ASTN1: variants seen among roughly 807,000 people sequenced by gnomAD.
The protein encoded by ASTN1 is astrotactin 1, also known as astrotactin-1.
In ASTN1, 41 loss-of-function variants were observed where a neutral mutation model predicts 140.7. The ratio of observed to expected loss-of-function variants is 0.29; its 90% CI spans 0.23 to 0.38. The LOEUF is 0.38. Ranked by LOEUF, ASTN1 falls within the 10% of genes least tolerant of loss-of-function variation. The pLI is 1.00. For synonymous variants in ASTN1, 640 were observed against 652.2 expected (o/e 0.98, Z 0.29); for missense variants, 1,479 against 1,678.8 (o/e 0.88, Z 2.08).
intron 13 of ASTN1, among the ~76,000 whole-genome samples, chr1:176,945,449 A>T (rs1290372970): frequency 6.6e-6 from 1 of 152,252 alleles, no homozygotes; most frequent in Non-Finnish European, 1.5e-5. Context: ...CTGGATTCTC[A>T]TATCTGAATT....
intron 14 of ASTN1, among the ~76,000 whole-genome samples, chr1:176,937,879 T>C (rs1377668565): frequency 6.6e-6 from 1 of 152,196 alleles, no homozygotes; most frequent in East Asian, 1.9e-4. Flanking sequence ...ACTAATTTAA[T>C]GCTTAAACTG....
At chr1:177,078,788 T>A (rs1178403669) in intron 1 of ASTN1, among the ~76,000 whole-genome samples, 1 of 152,188 alleles carries the variant, frequency 6.6e-6, no homozygotes, top group Non-Finnish European at 1.5e-5. Context: ...CATTCTTTTT[T>A]ATTATCAAAG....
intron 16 of ASTN1, among the ~76,000 whole-genome samples, chr1:176,915,256 G>GTGTTCTA (rs1354819270): frequency 1.3e-5 from 2 of 152,144 alleles, no homozygotes; most frequent in Non-Finnish European, 2.9e-5. Context: ...CATGGGCCAG[G>GTGTTCTA]TGTTCTACCC....
intron 8 of ASTN1, among the ~76,000 whole-genome samples, chr1:176,971,662 A>C (rs890835584): frequency 3.3e-5 from 5 of 152,180 alleles, no homozygotes; most frequent in Middle Eastern, 3.2e-3. Context: ...GGCACCCTGC[A>C]CTTTCCTTTA....
chr1:177,141,826 A>C (rs965665709), intron 1 of ASTN1, among the ~76,000 whole-genome samples: 1 of 152,218 alleles, frequency 6.6e-6, no homozygotes, highest in Non-Finnish European at 1.5e-5. Flanking sequence ...AACAATAAGT[A>C]TTTTGGAAAC....
At chr1:177,137,735 C>T (rs1015886019) in intron 1 of ASTN1, among the ~76,000 whole-genome samples, 3 of 152,196 alleles carry the variant, frequency 2.0e-5, no homozygotes, top group African/African-American at 7.2e-5. Context: ...GATAGCTGTC[C>T]AGCCAAACTG....
chr1:176,959,380 G>C (rs1672556425), intron 9 of ASTN1, among the ~76,000 whole-genome samples: 1 of 152,080 alleles, frequency 6.6e-6, no homozygotes, highest in Non-Finnish European at 1.5e-5. Context: ...ACAGAACCAA[G>C]CGCTGGCTCC....
intron 16 of ASTN1, among the ~76,000 whole-genome samples, chr1:176,919,829 G>A (rs1670654885): frequency 6.6e-6 from 1 of 152,184 alleles, no homozygotes; most frequent in Admixed American, 6.5e-5. Context: ...CCGCCTCTGC[G>A]GAATAAACCT....
chr1:176,921,104 T>C (rs1361225533), intron 16 of ASTN1, among the ~76,000 whole-genome samples: 1 of 152,232 alleles, frequency 6.6e-6, no homozygotes, highest in Non-Finnish European at 1.5e-5. Flanking sequence ...GTAGAGTAGA[T>C]GGCCATTAGG....
chr1:177,131,146 C>T (rs1681920229), intron 1 of ASTN1, among the ~76,000 whole-genome samples: 2 of 152,198 alleles, frequency 1.3e-5, no homozygotes, highest in South Asian at 2.1e-4. Context: ...ATGTGCCTCT[C>T]ATCCACTTCT....
intron 1 of ASTN1, among the ~76,000 whole-genome samples, chr1:177,129,687 C>T (rs1017418799): frequency 3.9e-5 from 6 of 152,202 alleles, no homozygotes; most frequent in African/African-American, 9.6e-5. Flanking sequence ...AAGAACCCTT[C>T]GCTGGAAGTG....
chr1:177,080,400 G>C (rs1679124142), intron 1 of ASTN1, among the ~76,000 whole-genome samples: 1 of 151,926 alleles, frequency 6.6e-6, no homozygotes, highest in Non-Finnish European at 1.5e-5. Context: ...ACCAATACTA[G>C]TTTCTTGTAG....
chr1:177,040,574 A>T (rs567741515), intron 2 of ASTN1, among the ~76,000 whole-genome samples: 3 of 152,360 alleles, frequency 2.0e-5, no homozygotes, highest in African/African-American at 7.2e-5. Context: ...CAAGAGGCAA[A>T]GGCTAAGACC....
At chr1:177,069,442 A>G (rs1325920473) in intron 1 of ASTN1, among the ~76,000 whole-genome samples, 1 of 152,158 alleles carries the variant, frequency 6.6e-6, no homozygotes, top group Admixed American at 6.5e-5. Context: ...TGATGAGAGA[A>G]AGGAAATAAG....
intron 1 of ASTN1, among the ~76,000 whole-genome samples, chr1:177,065,637 T>C (rs912174008): frequency 6.6e-6 from 1 of 152,148 alleles, no homozygotes; most frequent in Non-Finnish European, 1.5e-5. Flanking sequence ...GGATAACACA[T>C]GTTTGCAGAA....
chr1:177,017,860 A>G (rs1453836839), intron 7 of ASTN1, among the ~76,000 whole-genome samples: 2 of 152,310 alleles, frequency 1.3e-5, no homozygotes, highest in East Asian at 3.9e-4. Context: ...GCTTTTGGTC[A>G]CTTCCCATTC....
intron 1 of ASTN1, among the ~76,000 whole-genome samples, chr1:177,105,764 G>T (rs1208081883): frequency 6.6e-6 from 1 of 152,088 alleles, no homozygotes; most frequent in Non-Finnish European, 1.5e-5. Flanking sequence ...TTCCACTTAT[G>T]AACACCTTTA....
intron 1 of ASTN1, among the ~76,000 whole-genome samples, chr1:177,067,954 G>A (rs1159264462): frequency 6.6e-6 from 1 of 152,092 alleles, no homozygotes; most frequent in Admixed American, 6.5e-5. Flanking sequence ...CATCTGGTAC[G>A]GAGTTCTTAA....
rs1668297610 is a variant in ASTN1, at chr1:176,870,569, T to C, written c.3464-1542A>G. On this transcript the variant is annotated intron_variant, in intron 21 of 22. Coordinates refer to ENST00000361833, the MANE Select transcript of ASTN1 (RefSeq NM_004319.3). ...AGACAATCTAGTAGATCCAAAAATG[T>C]TACCTGAATGAATAGAACTTAAACC... is the stretch of plus-strand genomic sequence containing the variant. Among the ~76,000 whole-genome samples, 3 of 152,316 alleles carry C rather than the reference T, an allele frequency of 2.0e-5. No homozygotes were observed. In the South Asian group the frequency reaches 6.2e-4, roughly 32 times the overall value.
Sources: gnomAD v4.1 joint callset for allele counts (sites outside exome capture counted in the v4.1 genomes callset) on GRCh38, gnomAD v4.1.1 for gene constraint, MANE v1.5 for transcripts, NCBI Gene and HGNC (gene_info 2026-07-23, HGNC 2026-07-21) for gene names.